PRPF6: variants seen among roughly 807,000 people sequenced by gnomAD.
PRPF6 encodes pre-mRNA processing factor 6, also known as pre-mRNA-processing factor 6.
PRPF6 carries 42 observed loss-of-function variants against 118.3 expected under a neutral mutation model. That is an observed-to-expected ratio of 0.35 (90% CI 0.28 to 0.46). The LOEUF (loss-of-function observed/expected upper bound fraction) is 0.46, where lower values mean the gene tolerates loss of function less well. Ranked by LOEUF, PRPF6 falls within the 20% of genes least tolerant of loss-of-function variation. The pLI, the probability that PRPF6 is intolerant of heterozygous loss-of-function variation, is 1.00. For missense variants in PRPF6, 662 were observed against 1,255.7 expected, an observed-to-expected ratio of 0.53 and a Z score of 7.15; for synonymous variants, 481 against 485.1, an observed-to-expected ratio of 0.99 and a Z score of 0.11.
At chr20:63,999,881 C>T (rs902439104) in intron 8 of PRPF6, 122 bp downstream of exon 8, 2 of 1,275,750 alleles carry the variant, frequency 1.6e-6, no homozygotes, top group South Asian at 2.7e-5. Flanking sequence ...ATAGGGCAGG[C>T]TGGGGGAGGA....
chr20:64,029,129 T>G lies in PRPF6; in HGVS notation c.2432-248T>G, dbSNP rs551370372. ...TTGCAGTGAGCTGAGATTGCGCCAT[T>G]GCACTCCACCCTGAATGACAGAGTG... On this transcript the variant is annotated intron_variant, in intron 18 of 20. Coordinates refer to ENST00000266079, the MANE Select transcript of PRPF6 (RefSeq NM_012469.4). This position sits in a 1 kb window ranked among gnomAD's most constrained non-coding sequence, Gnocchi z 4.8. Among the ~76,000 whole-genome samples, 4 of 152,280 alleles carry G rather than the reference T, an allele frequency of 2.6e-5. No individual in the cohort carries two copies. The South Asian group carries it at 8.3e-4, about 32-fold the overall frequency.
intron 9 of PRPF6, among the ~76,000 whole-genome samples, chr20:64,001,887 G>T (rs1331352660): frequency 1.3e-5 from 2 of 152,006 alleles, no homozygotes; most frequent in African/African-American, 2.4e-5. Context: ...TGTTTCTCCT[G>T]TCACTGGAAG....
chr20:64,000,874 G>A (rs964953911), intron 8 of PRPF6, among the ~76,000 whole-genome samples: 1 of 152,178 alleles, frequency 6.6e-6, no homozygotes, highest in Non-Finnish European at 1.5e-5. Flanking sequence ...GCCATTAGGT[G>A]TTCTTCAGTC....
At position 64,016,777 on chromosome 20, in the gene PRPF6, C is replaced by A. The variant is rs760117864; in HGVS notation, c.1579C>A (p.Arg527Ser). 6.2e-7 allele frequency: 1 copy of A among 1,613,942 alleles called. No individual in the cohort carries two copies. ...TGTGGCCACCTGCCAGGCCGTCATG[C>A]GTGCCGTGATTGGGATTGGGATTGA... The part of the protein sequence containing the change: ...GSVATCQAVM[R>S]AVIGIGIEEE... The change falls in exon 12 of 21, where the codon CGT (arginine) becomes AGT (serine). Residue 527 changes from arginine (R) to serine (S), a missense_variant. This residue lies in a region of PRPF6 where 189 missense variants were observed against 323.5 expected (regional missense o/e 0.58). Coordinates refer to ENST00000266079, the MANE Select transcript of PRPF6 (RefSeq NM_012469.4).
At chr20:64,021,428 G>A (rs911788778) in intron 12 of PRPF6, among the ~76,000 whole-genome samples, 9 of 149,790 alleles carry the variant, frequency 6.0e-5, no homozygotes, top group East Asian at 3.9e-4. Context: ...GTGTGTGCAC[G>A]TATGCATATT....
chr20:64,011,494 G>A lies in PRPF6; in HGVS notation c.1515G>A (p.Gln505=). ...RANGVEINRE[Q]WIQDAEECDR... is the part of the protein sequence containing the mutation. ...ACGGTGTGGAGATCAACCGTGAGCA[G>A]TGGATCCAGGTGGGCCGCAGGCGGG... The change falls in exon 11 of 21, where the codon CAG becomes CAA. Residue 505 remains glutamine, a synonymous_variant. Coordinates refer to ENST00000266079, the MANE Select transcript of PRPF6 (RefSeq NM_012469.4). This position sits in a 1 kb window ranked among gnomAD's most constrained non-coding sequence, Gnocchi z 6.7. 6.2e-7 allele frequency: 1 copy of A among 1,612,782 alleles called. No homozygotes were observed. The highest frequency in any genetic ancestry group is 8.5e-7 in the Non-Finnish European group (1 of 1,179,808).
At chr20:64,006,947 G>A (rs1297687919) in intron 9 of PRPF6, among the ~76,000 whole-genome samples, 1 of 152,220 alleles carries the variant, frequency 6.6e-6, no homozygotes, top group Admixed American at 6.5e-5. Context: ...TAAGGCCAGG[G>A]GTGTCAGTGC....
chr20:64,020,848 G>T (rs1014603298), intron 12 of PRPF6, among the ~76,000 whole-genome samples: 1 of 149,280 alleles, frequency 6.7e-6, no homozygotes, highest in Non-Finnish European at 1.5e-5. Flanking sequence ...GCGCAATGGC[G>T]CAATCTTGGC....
chr20:64,000,448 T>G (rs1357123226), intron 8 of PRPF6, among the ~76,000 whole-genome samples: 2 of 96,608 alleles, frequency 2.1e-5, no homozygotes, highest in Non-Finnish European at 4.1e-5. Context: ...CAGAGCGAGA[T>G]TCCGTCTCAA....
chr20:64,004,262 C>A (rs1432611350), intron 9 of PRPF6, among the ~76,000 whole-genome samples: 6 of 152,184 alleles, frequency 3.9e-5, no homozygotes, highest in African/African-American at 1.4e-4. Flanking sequence ...CCTGGCTGTG[C>A]TCTCTCAGGC....
Position 64,027,235 on chromosome 20 carries a change from G to A in PRPF6, c.2205+77G>A. 1 of 1,552,520 alleles carries A rather than the reference G, an allele frequency of 6.4e-7. No homozygotes were observed. Among genetic ancestry groups the A allele is most frequent in the South Asian group, 1.1e-5 (1 of 87,534 alleles). On this transcript the variant is annotated intron_variant, in intron 16 of 20. Transcript: ENST00000266079. This position sits in a 1 kb window ranked among gnomAD's most constrained non-coding sequence, Gnocchi z 6.5. ...CTGAGCCCCCTGGTGCAGGGTCATT[G>A]CCCTTCGCCTCTGAGGAGATGTGGA... is the stretch of plus-strand genomic sequence containing the variant.
chr20:64,021,543 CGT>C (rs2059263551), intron 12 of PRPF6, among the ~76,000 whole-genome samples: 1 of 140,516 alleles, frequency 7.1e-6, no homozygotes, highest in South Asian at 2.4e-4. Flanking sequence ...GCCACAGCCC[CGT>C]GTCTGTGTGT....
chr20:64,026,271 C>T lies in PRPF6; in HGVS notation c.2028+213C>T, dbSNP rs2059290357. On this transcript the variant is annotated intron_variant, in intron 15 of 20. Coordinates refer to ENST00000266079, the MANE Select transcript of PRPF6 (RefSeq NM_012469.4). This position sits in a 1 kb window ranked among gnomAD's most constrained non-coding sequence, Gnocchi z 4.4. ...CCTGTAATCTCAGCACTTTGGGAGGCCAAGGCGGACAGATCACCTGAGGGT... is the reference window on the plus strand; with the variant it reads ...CCTGTAATCTCAGCACTTTGGGAGGTCAAGGCGGACAGATCACCTGAGGGT... 6.6e-6 allele frequency among the ~76,000 whole-genome samples: 1 copy of T among 151,970 alleles called. No homozygotes were observed. The highest frequency in any genetic ancestry group is 6.6e-5 in the Admixed American group (1 of 15,256).
chr20:63,990,609 ACAAG>A (rs2059114353), intron 3 of PRPF6, among the ~76,000 whole-genome samples: 1 of 151,748 alleles, frequency 6.6e-6, no homozygotes, highest in South Asian at 2.1e-4. Flanking sequence ...AGCTGGGATT[ACAAG>A]CACGTGCTAC....
At chr20:64,031,704 A>T (rs6062613) in intron 19 of PRPF6, among the ~76,000 whole-genome samples, 1 of 151,634 alleles carries the variant, frequency 6.6e-6, no homozygotes, top group Non-Finnish European at 1.5e-5. Flanking sequence ...ACAAAAAAAA[A>T]CCAATTTGGT....
intron 3 of PRPF6, among the ~76,000 whole-genome samples, chr20:63,989,997 G>A (rs993071504): frequency 1.3e-5 from 2 of 151,864 alleles, no homozygotes; most frequent in African/African-American, 4.8e-5. Context: ...GGGATTATAG[G>A]CACGCGCCAC....
At chr20:64,006,316 CTTTT>C (rs5842437) in intron 9 of PRPF6, among the ~76,000 whole-genome samples, 4 of 102,522 alleles carry the variant, frequency 3.9e-5, no homozygotes, top group African/African-American at 3.6e-5. Flanking sequence ...GTAGCTTGCT[CTTTT>C]TTTTTTTTTT....
chr20:63,996,336 C>G (rs1350386924), intron 6 of PRPF6, among the ~76,000 whole-genome samples: 1 of 151,986 alleles, frequency 6.6e-6, no homozygotes, highest in Non-Finnish European at 1.5e-5. Context: ...GAGACTGTCT[C>G]AAAATAAAAA....
At chr20:64,014,600 A>C (rs900232031) in intron 11 of PRPF6, among the ~76,000 whole-genome samples, 35 of 152,242 alleles carry the variant, frequency 2.3e-4, no homozygotes, top group Admixed American at 2.1e-3. Context: ...CAGAGGTTGC[A>C]GTGAGCCGAG....
Sources: allele counts gnomAD v4.1 joint callset (sites outside exome capture counted in the v4.1 genomes callset), GRCh38; gene constraint gnomAD v4.1.1; regional missense constraint gnomAD v4.1.1; non-coding constraint Gnocchi (gnomAD v3.1); transcripts MANE v1.5; gene names NCBI Gene and HGNC (gene_info 2026-07-23, HGNC 2026-07-21).